The following POC1A variants were observed in gnomAD, a reference collection of about 807,000 sequenced individuals.
POC1A encodes the protein POC1 centriolar protein homolog A.
A neutral mutation model predicts 47.8 loss-of-function variants in POC1A; 34 were observed. The observed-to-expected ratio is 0.71, with a 90% CI of 0.54 to 0.95. The LOEUF is 0.95. Ranked by LOEUF, POC1A falls within the 40% of genes least tolerant of loss-of-function variation. The probability of loss-of-function intolerance (pLI) is 0.00; values close to 1 mark genes in which losing one functional copy is unlikely to be tolerated. For missense variants in POC1A, 466 were observed against 528.3 expected (o/e 0.88, Z 1.16); for synonymous variants, 177 against 207.6 (o/e 0.85, Z 1.27).
intron 9 of POC1A, among the ~76,000 whole-genome samples, chr3:52,109,117 G>A (rs75834643): frequency 0.092 from 14,065 of 152,246 alleles, 1,315 homozygotes; most frequent in East Asian, 0.36. Context: ...GGGGAAGGGG[G>A]AGCAGAGAAC....
At chr3:52,108,233 A>T (rs1484292027) in intron 9 of POC1A, among the ~76,000 whole-genome samples, 1 of 152,206 alleles carries the variant, frequency 6.6e-6, no homozygotes, top group African/African-American at 2.4e-5. Flanking sequence ...CAAAGTTACT[A>T]TCTTTCCTGT....
rs193276549 is a variant in POC1A at position 52,108,736 on chromosome 3, G to A, written c.982-12024C>T. ...GATCAGCCAGAGCCCTCCACCAGCA[G>A]CCCCACGATTCCCAGGGAGGAGTTG... On this transcript the variant is annotated intron_variant, in intron 9 of 10. Coordinates refer to ENST00000296484, the MANE Select transcript of POC1A (RefSeq NM_015426.5). 9.2e-4 allele frequency among the ~76,000 whole-genome samples: 140 copies of A among 152,308 alleles called. 1 individual carries two copies. Among genetic ancestry groups the A allele is most frequent in the Non-Finnish European group, 1.8e-3 (125 of 68,022 alleles).
At chr3:52,113,585 C>T (rs1479327154) in intron 9 of POC1A, among the ~76,000 whole-genome samples, 1 of 152,122 alleles carries the variant, frequency 6.6e-6, no homozygotes, top group African/African-American at 2.4e-5. Flanking sequence ...ACCTGTAATC[C>T]CAGCTACTCA....
At chr3:52,122,190 G>A (rs1400041677) in intron 9 of POC1A, among the ~76,000 whole-genome samples, 189 bp downstream of exon 9, 2 of 152,174 alleles carry the variant, frequency 1.3e-5, no homozygotes, top group African/African-American at 2.4e-5. Context: ...TGTCTTATTC[G>A]TTCACTCTAG....
chr3:52,150,586 A>AG (rs1698524875), intron 2 of POC1A, among the ~76,000 whole-genome samples: 1 of 152,090 alleles, frequency 6.6e-6, no homozygotes, highest in African/African-American at 2.4e-5. Flanking sequence ...AGTGGGGTCG[A>AG]GGGGGGTGCC....
intron 7 of POC1A, among the ~76,000 whole-genome samples, chr3:52,137,947 C>T (rs1704535226): frequency 6.6e-6 from 1 of 152,198 alleles, no homozygotes; most frequent in Non-Finnish European, 1.5e-5. Context: ...GCTAACCATG[C>T]CCAGATGCAG....
At chr3:52,133,157 G>A (rs6445259) in intron 7 of POC1A, among the ~76,000 whole-genome samples, 1,993 of 152,266 alleles carry the variant, frequency 0.013, 36 homozygotes, top group African/African-American at 0.042. Context: ...AGGGGATTAG[G>A]TGCACTTATG....
chr3:52,081,341 C>T (rs1559806903), intron 10 of POC1A, among the ~76,000 whole-genome samples: 2 of 152,212 alleles, frequency 1.3e-5, no homozygotes, highest in South Asian at 2.1e-4. Flanking sequence ...CCCTTGCCCT[C>T]GCTCTTCCCT....
At chr3:52,095,841 A>G (rs1577825534) in intron 10 of POC1A, among the ~76,000 whole-genome samples, 1 of 152,194 alleles carries the variant, frequency 6.6e-6, no homozygotes, top group East Asian at 1.9e-4. Flanking sequence ...GCATGCCCCT[A>G]TTGCTGGCCA....
At chr3:52,115,737 A>G (rs1425831189) in intron 9 of POC1A, among the ~76,000 whole-genome samples, 6 of 152,124 alleles carry the variant, frequency 3.9e-5, no homozygotes, top group African/African-American at 1.4e-4. Flanking sequence ...TGAAGCAGAA[A>G]ACAAACCCTC....
At chr3:52,137,142 A>G in intron 7 of POC1A, among the ~76,000 whole-genome samples, 1 of 152,138 alleles carries the variant, frequency 6.6e-6, no homozygotes, top group East Asian at 1.9e-4. Context: ...AGTCCTGCAC[A>G]CTGGATATGT....
Position 52,079,453 on chromosome 3 carries a change from C to A in POC1A, c.1126-3468G>T, listed in dbSNP as rs1174185196. ...CAGGCAAATACCTCTGCGGCCTCCC[C>A]GGGTCCACACTCCATGGCCTGGAAG... On this transcript the variant is annotated intron_variant, in intron 10 of 10. Transcript: ENST00000296484. This position sits in a 1 kb window ranked among gnomAD's most constrained non-coding sequence, Gnocchi z 4.6. Among the ~76,000 whole-genome samples, 1 of 152,334 alleles carries A rather than the reference C, an allele frequency of 6.6e-6. No individual in the cohort carries two copies. The highest frequency in any genetic ancestry group is 2.1e-4 in the South Asian group (1 of 4,828).
chr3:52,108,517 C>T (rs1158430439), intron 9 of POC1A, among the ~76,000 whole-genome samples: 1 of 152,168 alleles, frequency 6.6e-6, no homozygotes. Context: ...TTAAACTCTC[C>T]TTGCACTTAG....
intron 10 of POC1A, among the ~76,000 whole-genome samples, chr3:52,088,126 T>C (rs979342433): frequency 1.3e-5 from 2 of 152,164 alleles, no homozygotes; most frequent in African/African-American, 2.4e-5. Flanking sequence ...AAGCCAGACA[T>C]CTTGATAGCT....
In POC1A at chr3:52,090,962, CG is replaced by C. The variant is rs1276180808; in HGVS notation, c.1125+5606del. Reference sequence around the variant, plus strand: ...ATGGGACAGACAGACAGAGGGGCAGCGCTTAAAATCTCCCCTTGGTGGAAAG... The same window carrying C: ...ATGGGACAGACAGACAGAGGGGCAGCCTTAAAATCTCCCCTTGGTGGAAAG... On this transcript the variant is annotated intron_variant, in intron 10 of 10. Coordinates refer to ENST00000296484, the MANE Select transcript of POC1A (RefSeq NM_015426.5). The surrounding 1 kb of genome is among the most constrained non-coding windows in gnomAD (Gnocchi z 4.2). Among the ~76,000 whole-genome samples, 8 of 152,190 alleles carry C rather than the reference CG, an allele frequency of 5.3e-5. No individual in the cohort carries two copies. The highest frequency in any genetic ancestry group is 1.9e-4 in the African/African-American group (8 of 41,436).
intron 7 of POC1A, among the ~76,000 whole-genome samples, chr3:52,136,223 G>T (rs992706753): frequency 6.6e-6 from 1 of 152,158 alleles, no homozygotes; most frequent in Admixed American, 6.5e-5. Context: ...TCCTGTATTT[G>T]ATAGGGAGTT....
At chr3:52,080,065 C>T (rs1230607349) in intron 10 of POC1A, among the ~76,000 whole-genome samples, 12 of 152,142 alleles carry the variant, frequency 7.9e-5, no homozygotes, top group Admixed American at 6.5e-5. Context: ...TTTCACGGGA[C>T]GCTCGTGTGT....
intron 4 of POC1A, among the ~76,000 whole-genome samples, chr3:52,147,934 A>G (rs1405583957): frequency 1.3e-5 from 2 of 152,134 alleles, no homozygotes; most frequent in Non-Finnish European, 2.9e-5. Flanking sequence ...CCTGACTTAG[A>G]GGAAAACCAA....
At chr3:52,096,768 T>C in intron 9 of POC1A, 56 bp from the exon 10 acceptor site, 4 of 1,432,800 alleles carry the variant, frequency 2.8e-6, no homozygotes, top group Non-Finnish European at 3.7e-6. Context: ...AGAAATACTG[T>C]GAGAGGAATA....
Sources: allele counts gnomAD v4.1 joint callset (sites outside exome capture counted in the v4.1 genomes callset), GRCh38; gene constraint gnomAD v4.1.1; non-coding constraint Gnocchi (gnomAD v3.1); transcripts MANE v1.5; gene names NCBI Gene and HGNC (gene_info 2026-07-23, HGNC 2026-07-21).